Variants in PAFAH1B1 observed in about 807,000 individuals in gnomAD.
The protein encoded by PAFAH1B1 is platelet-activating factor acetylhydrolase IB subunit beta.
In PAFAH1B1, 2 loss-of-function variants were observed where a neutral mutation model predicts 57.5. The ratio of observed to expected loss-of-function variants is 0.03; its 90% CI spans 0.01 to 0.11. PAFAH1B1 has a LOEUF of 0.11. PAFAH1B1 is among the 10% of genes least tolerant of loss of function. The pLI is 1.00. For synonymous variants in PAFAH1B1, 152 were observed against 169.6 expected (o/e 0.90, Z 0.81); for missense variants, 257 against 512.0 (o/e 0.50, Z 4.81).
At chr17:2,602,617 T>A (rs1277948715) in intron 1 of PAFAH1B1, among the ~76,000 whole-genome samples, 1 of 152,200 alleles carries the variant, frequency 6.6e-6, no homozygotes, top group Non-Finnish European at 1.5e-5. Context: ...TCTCTCTAAA[T>A]TCAGTCTTGT....
chr17:2,664,665 G>GCGCTCTCCCTCT, intron 2 of PAFAH1B1, among the ~76,000 whole-genome samples: 1 of 86,028 alleles, frequency 1.2e-5, no homozygotes, highest in Non-Finnish European at 2.6e-5. Context: ...TCTATCTATC[G>GCGCTCTCCCTCT]CTCTCTCTCT....
intron 9 of PAFAH1B1, among the ~76,000 whole-genome samples, chr17:2,677,638 A>C (rs1231444041): frequency 6.6e-6 from 1 of 151,670 alleles, no homozygotes; most frequent in African/African-American, 2.4e-5. Context: ...GCAGATCACG[A>C]GGTCAGGAGA....
Position 2,681,877 on chromosome 17 carries a change from C to T in PAFAH1B1, c.*75C>T. 9.7e-7 allele frequency: 1 copy of T among 1,027,776 alleles called. No individual in the cohort carries two copies. Among genetic ancestry groups the T allele is most frequent in the Non-Finnish European group, 1.5e-6 (1 of 676,228 alleles). The allele number at this position is 1,027,776 out of a possible 1,614,324, so 63.7% of individuals were successfully genotyped here. On this transcript the variant is annotated 3_prime_UTR_variant, in exon 11 of 11. Coordinates refer to ENST00000397195, the MANE Select transcript of PAFAH1B1 (RefSeq NM_000430.4). ...ATGATACCATGGTTACCCCATTGAG[C>T]TCTGTTTAAATAAATATTGTCCTTT...
At chr17:2,662,919 G>A (rs2069038003) in intron 2 of PAFAH1B1, among the ~76,000 whole-genome samples, 1 of 151,932 alleles carries the variant, frequency 6.6e-6, no homozygotes, top group Non-Finnish European at 1.5e-5. Context: ...GAGAAGACCA[G>A]CCTGACCAAC....
intron 2 of PAFAH1B1, among the ~76,000 whole-genome samples, chr17:2,646,240 T>C (rs1390500678): frequency 1.3e-5 from 2 of 151,942 alleles, no homozygotes; most frequent in African/African-American, 2.4e-5. Context: ...ACCAGTAAAA[T>C]AGACAGTTTT....
rs967164461 is a variant in PAFAH1B1 at position 2,684,418 on chromosome 17, A to C, written c.*2616A>C. ...GGATTGTAAGTAGAGGACTTTTATT[A>C]ATTGGTTTAGAGGTTCACTGCTGCT... On this transcript the variant is annotated 3_prime_UTR_variant, in exon 11 of 11. Coordinates refer to ENST00000397195, the MANE Select transcript of PAFAH1B1 (RefSeq NM_000430.4). 1 of 152,536 alleles carries C rather than the reference A, an allele frequency of 6.6e-6. No individual in the cohort carries two copies. The highest frequency in any genetic ancestry group is 1.5e-5 in the Non-Finnish European group (1 of 68,048). The allele number at this position is 152,536 out of a possible 1,614,324, so 9.4% of individuals were successfully genotyped here. A position where few individuals can be genotyped will look rare whatever the true frequency, so the allele number is the denominator to read the frequency against.
chr17:2,644,789 A>G (rs1354408546), intron 2 of PAFAH1B1, among the ~76,000 whole-genome samples: 1 of 152,168 alleles, frequency 6.6e-6, no homozygotes, highest in Non-Finnish European at 1.5e-5. Context: ...GATGCTTTGT[A>G]TGAACTCACT....
rs773768241 is a variant in PAFAH1B1 at position 2,682,603 on chromosome 17, G to C, written c.*801G>C. Reference sequence around the variant, plus strand: ...GTTGTATTCTCCATACTATTAGACTGTGTAGTGATGTGACTTCCAAGTAGA... The same window carrying C: ...GTTGTATTCTCCATACTATTAGACTCTGTAGTGATGTGACTTCCAAGTAGA... On this transcript the variant is annotated 3_prime_UTR_variant, in exon 11 of 11. Transcript: ENST00000397195. 6.6e-6 allele frequency: 1 copy of C among 152,644 alleles called. No individual in the cohort carries two copies. The highest frequency in any genetic ancestry group is 1.5e-5 in the Non-Finnish European group (1 of 68,054). 9.5% of individuals were successfully genotyped at this position (152,644 alleles called of 1,614,324 possible).
Position 2,621,607 on chromosome 17 carries a change from CTTTTTTTTTTTTTTTTTT to C in PAFAH1B1, c.-190-16473_-190-16456del, listed in dbSNP as rs534219431. ...TATTCAAGCATGGTAGATAATCTGT[CTTTTTTTTTTTTTTTTTT>C]TTTTTTTTTTTTTTTTTTGAGACAG... On this transcript the variant is annotated intron_variant, in intron 1 of 10. Transcript: ENST00000397195. Among the ~76,000 whole-genome samples the C allele has an allele frequency of 1.4e-3, 120 of 84,782 alleles. 1 individual carries two copies. Among genetic ancestry groups the C allele is most frequent in the Admixed American group, 2.7e-3 (18 of 6,736 alleles). The allele number at this position is 84,782 out of a possible 152,430, so 55.6% of individuals were successfully genotyped here. A position where few individuals can be genotyped will look rare whatever the true frequency, so the allele number is the denominator to read the frequency against.
chr17:2,612,889 T>C (rs1445302774), intron 1 of PAFAH1B1, among the ~76,000 whole-genome samples: 1 of 152,160 alleles, frequency 6.6e-6, no homozygotes, highest in Non-Finnish European at 1.5e-5. Context: ...AGATTACTGG[T>C]GTGAGCCAGC....
At chr17:2,620,603 C>T (rs2068407394) in intron 1 of PAFAH1B1, among the ~76,000 whole-genome samples, 1 of 152,094 alleles carries the variant, frequency 6.6e-6, no homozygotes, top group Non-Finnish European at 1.5e-5. Flanking sequence ...GTTGCTCATG[C>T]CTGTAATCCC....
Position 2,596,091 on chromosome 17 carries a change from CAT to C in PAFAH1B1, c.-191+2086_-191+2087del, listed in dbSNP as rs2068081525. 2.0e-5 allele frequency among the ~76,000 whole-genome samples: 3 copies of C among 152,046 alleles called. No homozygotes were observed. In the South Asian group the frequency reaches 6.2e-4, roughly 31 times the overall value. ...AATCTAATGTTTTCCACCTTTTTTG[CAT>C]GATGGGCATTGAATGATTGGAATAA... On this transcript the variant is annotated intron_variant, in intron 1 of 10. Transcript: ENST00000397195.
intron 1 of PAFAH1B1, among the ~76,000 whole-genome samples, chr17:2,596,776 G>A (rs887764125): frequency 6.6e-6 from 1 of 152,128 alleles, no homozygotes; most frequent in African/African-American, 2.4e-5. Context: ...AGCACACTAA[G>A]GTCCAGGTGC....
At chr17:2,679,382 TTGGA>T (rs1301256880) in intron 9 of PAFAH1B1, among the ~76,000 whole-genome samples, 1 of 82,484 alleles carries the variant, frequency 1.2e-5, no homozygotes, top group African/African-American at 3.7e-5. Context: ...GGATGAATGA[TTGGA>T]TGGATGGATG....
At chr17:2,647,411 G>A (rs2068783671) in intron 2 of PAFAH1B1, among the ~76,000 whole-genome samples, 1 of 151,958 alleles carries the variant, frequency 6.6e-6, no homozygotes, top group Admixed American at 6.6e-5. Context: ...GCACACACCT[G>A]TAATCTCAGC....
chr17:2,658,597 C>T (rs985596306), intron 2 of PAFAH1B1, among the ~76,000 whole-genome samples: 4 of 152,082 alleles, frequency 2.6e-5, no homozygotes, highest in Non-Finnish European at 5.9e-5. Flanking sequence ...GAAATGGAAT[C>T]GAGCAGGCTA....
intron 2 of PAFAH1B1, among the ~76,000 whole-genome samples, chr17:2,642,878 T>C (rs2068714667): frequency 6.6e-6 from 1 of 152,174 alleles, no homozygotes; most frequent in South Asian, 2.1e-4. Context: ...GTCCTATCTT[T>C]AATTTTTTTA....
At chr17:2,652,698 A>G (rs2068879900) in intron 2 of PAFAH1B1, among the ~76,000 whole-genome samples, 1 of 152,188 alleles carries the variant, frequency 6.6e-6, no homozygotes, top group Non-Finnish European at 1.5e-5. Flanking sequence ...GCACATGTTC[A>G]TGTAGTGGCG....
chr17:2,675,578 G>A (rs2069250237), intron 8 of PAFAH1B1, among the ~76,000 whole-genome samples: 1 of 151,764 alleles, frequency 6.6e-6, no homozygotes, highest in Non-Finnish European at 1.5e-5. Flanking sequence ...AAGGCAGGAG[G>A]ATCACTTGAG....
Sources: gnomAD v4.1 joint callset for allele counts (sites outside exome capture counted in the v4.1 genomes callset) on GRCh38, gnomAD v4.1.1 for gene constraint, MANE v1.5 for transcripts, NCBI Gene and HGNC (gene_info 2026-07-23, HGNC 2026-07-21) for gene names.